USP12: variants seen among roughly 807,000 people sequenced by gnomAD.
The protein encoded by USP12 is ubiquitin carboxyl-terminal hydrolase 12.
USP12 carries 19 observed loss-of-function variants against 45.5 expected under a neutral mutation model. The ratio of observed to expected loss-of-function variants is 0.42; its 90% CI spans 0.29 to 0.61. USP12 has a LOEUF of 0.61. Ranked by LOEUF, USP12 falls within the 20% of genes least tolerant of loss-of-function variation. USP12 has a pLI of 0.22. For synonymous variants in USP12, 149 were observed against 148.8 expected (o/e 1.00, Z -0.01); for missense variants, 242 against 447.7 (o/e 0.54, Z 4.15).
At chr13:27,154,489 A>G (rs997078271) in intron 1 of USP12, among the ~76,000 whole-genome samples, 10 of 152,188 alleles carry the variant, frequency 6.6e-5, no homozygotes, top group African/African-American at 2.4e-4. Flanking sequence ...GTTACTTCCA[A>G]AACTAGAACA....
intron 1 of USP12, among the ~76,000 whole-genome samples, chr13:27,163,394 G>A (rs1464829854): frequency 6.6e-6 from 1 of 151,984 alleles, no homozygotes; most frequent in Non-Finnish European, 1.5e-5. Flanking sequence ...ATCCCTCCAT[G>A]TCCACATAAT....
chr13:27,105,985 C>T (rs768845510), intron 2 of USP12, 41 bp from the exon 3 acceptor site: 2 of 1,530,638 alleles, frequency 1.3e-6, no homozygotes, highest in Admixed American at 4.1e-5. Context: ...TTTAGGGCAA[C>T]ACATTTTCAA....
intron 1 of USP12, among the ~76,000 whole-genome samples, chr13:27,154,579 A>G (rs1360172728): frequency 1.3e-5 from 2 of 152,152 alleles, no homozygotes; most frequent in African/African-American, 2.4e-5. Context: ...ATATTTCACC[A>G]TAACCCAAAA....
chr13:27,161,649 C>T (rs1032028161), intron 1 of USP12, among the ~76,000 whole-genome samples: 1 of 152,036 alleles, frequency 6.6e-6, no homozygotes, highest in Non-Finnish European at 1.5e-5. Flanking sequence ...TTTGGGAGGC[C>T]AGCTACATCA....
chr13:27,124,317 G>A (rs1329538153), intron 1 of USP12, among the ~76,000 whole-genome samples: 1 of 152,052 alleles, frequency 6.6e-6, no homozygotes, highest in African/African-American at 2.4e-5. Flanking sequence ...GCTAAAAAAT[G>A]GTGTCTATGA....
intron 4 of USP12, 88 bp from the exon 5 acceptor site, chr13:27,090,246 T>C (rs1398036448): frequency 5.8e-6 from 6 of 1,029,440 alleles, no homozygotes; most frequent in Non-Finnish European, 8.6e-6. Context: ...ATTCTATTAT[T>C]ATCAGTAAGT....
chr13:27,081,450 A>G (rs564770240), intron 6 of USP12, among the ~76,000 whole-genome samples: 2 of 152,280 alleles, frequency 1.3e-5, no homozygotes, highest in African/African-American at 4.8e-5. Flanking sequence ...TCCTCTTCTA[A>G]TTCTTGTTCT....
chr13:27,123,844 G>A (rs1876106850), intron 1 of USP12, among the ~76,000 whole-genome samples: 1 of 152,090 alleles, frequency 6.6e-6, no homozygotes, highest in Non-Finnish European at 1.5e-5. Context: ...GTATGAAAAT[G>A]GACTAATACA....
chr13:27,134,592 A>G (rs1876706091), intron 1 of USP12, among the ~76,000 whole-genome samples: 1 of 152,128 alleles, frequency 6.6e-6, no homozygotes, highest in East Asian at 1.9e-4. Flanking sequence ...TTTGAACAAC[A>G]AAGGGTTGTC....
rs146245912 is a variant in USP12, at chr13:27,080,732, C to A, written c.735-5344G>T. Among the ~76,000 whole-genome samples, 474 of 152,206 alleles carry A rather than the reference C, an allele frequency of 3.1e-3. 3 individuals are homozygous for A. The highest frequency in any genetic ancestry group is 3.6e-3 in the Non-Finnish European group (243 of 68,030). ...GGCCACCGCAATAAAGTGAGGACCG[C>A]AATAAAGTGAAGACCGCAATAAAGC... On this transcript the variant is annotated intron_variant, in intron 6 of 8. Transcript: ENST00000282344.
At chr13:27,157,861 T>C (rs897022783) in intron 1 of USP12, among the ~76,000 whole-genome samples, 3 of 152,208 alleles carry the variant, frequency 2.0e-5, no homozygotes, top group Non-Finnish European at 4.4e-5. Flanking sequence ...CTTATCAAGT[T>C]TGTATCAGTT....
rs920239066 is a variant in USP12, at chr13:27,106,009, G to A, written c.130-65C>T. 58 of 1,390,654 alleles carry A rather than the reference G, an allele frequency of 4.2e-5. 2 individuals are homozygous for A. The Admixed American group carries it at 8.1e-4, about 19-fold the overall frequency. The allele number at this position is 1,390,654 out of a possible 1,614,324, so 86.1% of individuals were successfully genotyped here. ...ACACATTTTCAAGAGAGAAATTCCC[G>A]GTATATGGTTGAGAACAGAAAGAGA... On this transcript the variant is annotated intron_variant, in intron 2 of 8. Coordinates refer to ENST00000282344, the MANE Select transcript of USP12 (RefSeq NM_182488.4).
chr13:27,104,655 G>A (rs1875042492), intron 3 of USP12, among the ~76,000 whole-genome samples: 1 of 152,118 alleles, frequency 6.6e-6, no homozygotes. Flanking sequence ...TTCAACAAAC[G>A]TATCAAATTC....
At chr13:27,121,809 C>A (rs1426844019) in intron 1 of USP12, among the ~76,000 whole-genome samples, 1 of 151,390 alleles carries the variant, frequency 6.6e-6, no homozygotes, top group Non-Finnish European at 1.5e-5. Context: ...TGCAGTGAGC[C>A]GAGATCATGC....
chr13:27,166,003 G>A (rs1878331418), intron 1 of USP12, among the ~76,000 whole-genome samples: 1 of 151,920 alleles, frequency 6.6e-6, no homozygotes, highest in South Asian at 2.1e-4. Context: ...ACTACTAAAG[G>A]ATCAGAATTT....
intron 6 of USP12, among the ~76,000 whole-genome samples, chr13:27,083,876 T>G (rs559906059): frequency 6.7e-6 from 1 of 148,714 alleles, no homozygotes; most frequent in Non-Finnish European, 1.5e-5. Context: ...ATATATATAT[T>G]TTTTTGAGAT....
chr13:27,126,529 T>G (rs1485703167), intron 1 of USP12, among the ~76,000 whole-genome samples: 1 of 151,828 alleles, frequency 6.6e-6, no homozygotes, highest in East Asian at 1.9e-4. Flanking sequence ...CTACAAAGAG[T>G]AGGCATTTAA....
At position 27,105,873 on chromosome 13, in the gene USP12, A is replaced by C; in HGVS notation, c.201T>G (p.Val67=). Residue 67 remains valine, a synonymous_variant, in exon 3 of 9, where the codon GTT becomes GTG. Transcript: ENST00000282344. ...TCCTAGGTTGACTCTTATACGCAAG[A>C]ACTTTTTCCCGAAATGGACGACAAA... ...LYFCRPFREK[V]LAYKSQPRKK... 1 of 1,613,880 alleles carries C rather than the reference A, an allele frequency of 6.2e-7. No homozygotes were observed. The highest frequency in any genetic ancestry group is 2.2e-5 in the East Asian group (1 of 44,874).
chr13:27,109,225 A>G (rs767042429), intron 2 of USP12, among the ~76,000 whole-genome samples: 2 of 152,216 alleles, frequency 1.3e-5, no homozygotes, highest in Non-Finnish European at 2.9e-5. Context: ...GCATTAGGTT[A>G]AAAGTTGATG....
Sources: allele counts gnomAD v4.1 joint callset (sites outside exome capture counted in the v4.1 genomes callset), GRCh38; gene constraint gnomAD v4.1.1; transcripts MANE v1.5; gene names NCBI Gene and HGNC (gene_info 2026-07-23, HGNC 2026-07-21).